The following PPP1R12B variants were observed in gnomAD, a reference collection of about 807,000 sequenced individuals.
PPP1R12B encodes protein phosphatase 1 regulatory subunit 12B, also known as myosin phosphatase target subunit 2.
Under a neutral mutation model 126.1 loss-of-function variants are expected in PPP1R12B, and 76 were observed. The ratio of observed to expected loss-of-function variants is 0.60; its 90% CI spans 0.50 to 0.73. PPP1R12B has a LOEUF of 0.73. PPP1R12B is among the 30% of genes least tolerant of loss of function. The pLI is 0.00. For synonymous variants in PPP1R12B, 356 were observed against 434.7 expected, an observed-to-expected ratio of 0.82 and a Z score of 2.25; for missense variants, 1,052 against 1,205.1, an observed-to-expected ratio of 0.87 and a Z score of 1.88.
intron 1 of PPP1R12B, among the ~76,000 whole-genome samples, chr1:202,357,622 A>C (rs1657355039): frequency 6.6e-6 from 1 of 152,200 alleles, no homozygotes; most frequent in African/African-American, 2.4e-5. Context: ...AATAGGGGCA[A>C]GAAAGTTATG....
intron 1 of PPP1R12B, among the ~76,000 whole-genome samples, chr1:202,349,841 G>A (rs994512272): frequency 2.6e-5 from 4 of 151,692 alleles, no homozygotes; most frequent in Non-Finnish European, 4.4e-5. Context: ...TTTCTAAAGT[G>A]CTCTATAGAA....
intron 10 of PPP1R12B, chr1:202,438,601 G>A (rs1671161457): frequency 4.2e-6 from 2 of 481,632 alleles, no homozygotes; most frequent in East Asian, 4.6e-5. Flanking sequence ...AGAGTTCCTC[G>A]CTGCCATGGA....
In PPP1R12B at chr1:202,584,011, A is replaced by G. The variant is rs1178454655; in HGVS notation, c.*3451A>G. The G allele has an allele frequency of 1.3e-5, 2 of 152,160 alleles. No homozygotes were observed. The highest frequency in any genetic ancestry group is 2.4e-5 in the African/African-American group (1 of 41,424). The allele number at this position is 152,160 out of a possible 1,614,324, so 9.4% of individuals were successfully genotyped here. A position where few individuals can be genotyped will look rare whatever the true frequency, so the allele number is the denominator to read the frequency against. On this transcript the variant is annotated 3_prime_UTR_variant, in exon 24 of 24. Coordinates refer to ENST00000608999, the MANE Select transcript of PPP1R12B (RefSeq NM_002481.4). Reference sequence around the variant, plus strand: ...AAAGTTTGTTTTTCCAGGGCTGCTGATCCTTTTCCAGATAGCTCCAGAGTA... The same window carrying G: ...AAAGTTTGTTTTTCCAGGGCTGCTGGTCCTTTTCCAGATAGCTCCAGAGTA...
At chr1:202,538,194 C>CAT (rs1307264194) in intron 18 of PPP1R12B, among the ~76,000 whole-genome samples, 4 of 152,134 alleles carry the variant, frequency 2.6e-5, no homozygotes, top group Non-Finnish European at 2.9e-5. Flanking sequence ...AGGGTTTCAC[C>CAT]ATGTTGGTCA....
chr1:202,455,902 C>T (rs1673564423), intron 13 of PPP1R12B, among the ~76,000 whole-genome samples: 1 of 152,058 alleles, frequency 6.6e-6, no homozygotes, highest in African/African-American at 2.4e-5. Flanking sequence ...AGTAAGGAAA[C>T]CACTGCAGAA....
intron 1 of PPP1R12B, among the ~76,000 whole-genome samples, chr1:202,356,087 G>A (rs946315408): frequency 2.6e-5 from 4 of 152,070 alleles, no homozygotes; most frequent in Non-Finnish European, 4.4e-5. Context: ...AGGCTGAGGT[G>A]GAAGGATCAC....
chr1:202,559,020 A>T (rs1810207), intron 19 of PPP1R12B, 127 bp downstream of exon 19: 4 of 992,058 alleles, frequency 4.0e-6, no homozygotes, highest in Non-Finnish European at 5.8e-6. Flanking sequence ...TCATTTCCAC[A>T]GCCACCACAA....
chr1:202,489,545 A>G lies in PPP1R12B; in HGVS notation c.1941+922A>G, dbSNP rs372154951. 3.3e-5 allele frequency among the ~76,000 whole-genome samples: 5 copies of G among 152,248 alleles called. No homozygotes were observed. The East Asian group carries it at 5.8e-4, about 18-fold the overall frequency. The stretch of plus-strand genomic sequence containing the variant: ...ATAAAAAGAAATGAAGTACTGATAC[A>G]TGTTACAACATGGATGAACCTTAAG... On this transcript the variant is annotated intron_variant, in intron 14 of 23. Coordinates refer to ENST00000608999, the MANE Select transcript of PPP1R12B (RefSeq NM_002481.4).
intron 18 of PPP1R12B, among the ~76,000 whole-genome samples, chr1:202,543,346 CAAG>C (rs914903814): frequency 3.3e-5 from 5 of 152,022 alleles, no homozygotes; most frequent in African/African-American, 4.8e-5. Context: ...CCTCACCAGC[CAAG>C]AAGATTTTTG....
chr1:202,534,247 A>T (rs147164822), intron 18 of PPP1R12B, among the ~76,000 whole-genome samples: 45 of 152,192 alleles, frequency 3.0e-4, no homozygotes, highest in African/African-American at 1.1e-3. Flanking sequence ...TTGTTTGAGG[A>T]CTTTCTCACC....
chr1:202,526,529 G>T lies in PPP1R12B; in HGVS notation c.2490+29707G>T, dbSNP rs371076695. 6.0e-4 allele frequency among the ~76,000 whole-genome samples: 92 copies of T among 152,168 alleles called. No individual in the cohort carries two copies. In the South Asian group the frequency reaches 0.011, roughly 18 times the overall value. On this transcript the variant is annotated intron_variant, in intron 18 of 23. Coordinates refer to ENST00000608999, the MANE Select transcript of PPP1R12B (RefSeq NM_002481.4). The stretch of plus-strand genomic sequence containing the variant: ...AGGCAGAAAATTGGATTTAAACAAG[G>T]TTATAGTTTTGCCAAGCACTATGAA...
At chr1:202,396,454 A>AT (rs1409130645) in intron 1 of PPP1R12B, among the ~76,000 whole-genome samples, 1 of 152,208 alleles carries the variant, frequency 6.6e-6, no homozygotes, top group African/African-American at 2.4e-5. Context: ...ATATTAATTC[A>AT]TTAATATTCA....
intron 1 of PPP1R12B, among the ~76,000 whole-genome samples, chr1:202,408,465 T>G (rs1482420872): frequency 2.0e-5 from 3 of 152,210 alleles, no homozygotes; most frequent in African/African-American, 7.2e-5. Context: ...ACAGCTGTGA[T>G]TTTCAGTTAC....
intron 15 of PPP1R12B, 105 bp downstream of exon 15, chr1:202,493,422 G>A: frequency 8.2e-7 from 1 of 1,215,416 alleles, no homozygotes; most frequent in Non-Finnish European, 1.1e-6. Context: ...CCTTGCAATG[G>A]ACAACTCACT....
At chr1:202,408,730 A>G (rs1174434656) in intron 1 of PPP1R12B, among the ~76,000 whole-genome samples, 1 of 152,116 alleles carries the variant, frequency 6.6e-6, no homozygotes, top group Non-Finnish European at 1.5e-5. Flanking sequence ...TTCAGCCATC[A>G]ATGGGCTCTT....
At chr1:202,390,986 C>T (rs911115899) in intron 1 of PPP1R12B, among the ~76,000 whole-genome samples, 12 of 152,076 alleles carry the variant, frequency 7.9e-5, no homozygotes, top group African/African-American at 2.7e-4. Context: ...ATCATTTGGA[C>T]CTGGAAGCAT....
At chr1:202,549,670 G>A (rs188312835) in intron 18 of PPP1R12B, among the ~76,000 whole-genome samples, 2 of 151,904 alleles carry the variant, frequency 1.3e-5, no homozygotes, top group African/African-American at 2.4e-5. Flanking sequence ...CACCCGCCTC[G>A]GCCTCCCAAA....
At chr1:202,491,218 G>C (rs1433744400) in intron 14 of PPP1R12B, among the ~76,000 whole-genome samples, 3 of 151,856 alleles carry the variant, frequency 2.0e-5, no homozygotes, top group African/African-American at 7.3e-5. Flanking sequence ...TCTGCCTCAG[G>C]GTTCAAGCAA....
At chr1:202,445,441 C>CT (rs563536882) in intron 12 of PPP1R12B, among the ~76,000 whole-genome samples, 91 of 152,322 alleles carry the variant, frequency 6.0e-4, no homozygotes, top group African/African-American at 2.0e-3. Context: ...TATAATTGTA[C>CT]TTGGTGTTTG....
Sources: gnomAD v4.1 joint callset for allele counts (sites outside exome capture counted in the v4.1 genomes callset) on GRCh38, gnomAD v4.1.1 for gene constraint, MANE v1.5 for transcripts, NCBI Gene and HGNC (gene_info 2026-07-23, HGNC 2026-07-21) for gene names.